Variants in GARNL3 observed in about 807,000 individuals in gnomAD.
GARNL3 encodes GTPase-activating Rap/Ran-GAP domain-like protein 3.
In GARNL3, 63 loss-of-function variants were observed where a neutral mutation model predicts 125.0. That is an observed-to-expected ratio of 0.50 (90% CI 0.41 to 0.62). The LOEUF (loss-of-function observed/expected upper bound fraction) is 0.62. Ranked by LOEUF, GARNL3 falls within the 20% of genes least tolerant of loss-of-function variation. The pLI is 0.00. For synonymous variants in GARNL3, 439 were observed against 457.5 expected, an observed-to-expected ratio of 0.96 and a Z score of 0.52; for missense variants, 994 against 1,244.0, an observed-to-expected ratio of 0.80 and a Z score of 3.02.
intron 1 of GARNL3, among the ~76,000 whole-genome samples, chr9:127,231,051 T>TATATACATATATATATATATATATA (rs756942109): frequency 1.7e-5 from 1 of 58,084 alleles, no homozygotes; most frequent in Non-Finnish European, 2.8e-5. Context: ...TATATATATA[T>TATATACATATATATATATATATATA]TTTTTTTTTT....
intron 4 of GARNL3, among the ~76,000 whole-genome samples, chr9:127,314,978 A>G (rs562663484): frequency 6.6e-6 from 1 of 152,320 alleles, no homozygotes; most frequent in Admixed American, 6.5e-5. Context: ...ATGTGAGACA[A>G]ACAAGGGTTA....
intron 6 of GARNL3, 150 bp downstream of exon 6, chr9:127,320,928 A>G (rs2065379522): frequency 3.3e-6 from 2 of 613,572 alleles, no homozygotes; most frequent in Admixed American, 5.5e-5. Flanking sequence ...CCTCACACCT[A>G]AGGTTCTGAT....
chr9:127,276,880 T>C (rs2063970864), intron 1 of GARNL3, among the ~76,000 whole-genome samples: 1 of 152,246 alleles, frequency 6.6e-6, no homozygotes, highest in African/African-American at 2.4e-5. Flanking sequence ...TAAACTACTT[T>C]TCACAATGAC....
intron 2 of GARNL3, among the ~76,000 whole-genome samples, chr9:127,251,077 C>T (rs1266987266): frequency 2.0e-5 from 3 of 152,140 alleles, no homozygotes; most frequent in Non-Finnish European, 4.4e-5. Context: ...AAGTACAGTA[C>T]AGCACACCAT....
chr9:127,294,727 C>T (rs915904051), intron 2 of GARNL3, among the ~76,000 whole-genome samples: 1 of 152,208 alleles, frequency 6.6e-6, no homozygotes, highest in Non-Finnish European at 1.5e-5. Context: ...GAGTGCTTTT[C>T]ATATAATGTG....
At position 127,268,384 on chromosome 9, in the gene GARNL3, G is replaced by A. The variant is rs114145599; in HGVS notation, c.144+3363G>A. Among the ~76,000 whole-genome samples the A allele has an allele frequency of 3.9e-3, 601 of 152,320 alleles. 6 individuals carry two copies. The highest frequency in any genetic ancestry group is 0.014 in the African/African-American group (577 of 41,574). The stretch of plus-strand genomic sequence containing the variant: ...GCCTCATGTGATGGAAAACCAGCAA[G>A]CCACTATTTTCTCTTTCTCTCTGGT... On this transcript the variant is annotated intron_variant, in intron 1 of 27. Transcript: ENST00000373387.
At chr9:127,290,178 C>T (rs2064371861) in intron 1 of GARNL3, among the ~76,000 whole-genome samples, 1 of 152,194 alleles carries the variant, frequency 6.6e-6, no homozygotes. Flanking sequence ...GAATGCATGG[C>T]ATTCAACAAA....
chr9:127,390,688 A>G lies in GARNL3; in HGVS notation c.2791A>G (p.Lys931Glu). 1 of 1,614,036 alleles carries G rather than the reference A, an allele frequency of 6.2e-7. No homozygotes were observed. The highest frequency in any genetic ancestry group is 8.5e-7 in the Non-Finnish European group (1 of 1,179,926). Reference sequence around the variant, plus strand: ...CAAGTCAGAAGGAGCGCCAAAGGCCAAATCAAAACCCCGGAAGCGGTTAGA... The same window carrying G: ...CAAGTCAGAAGGAGCGCCAAAGGCCGAATCAAAACCCCGGAAGCGGTTAGA... ...GPKSEGAPKA[K>E]SKPRKRLEES... The change falls in exon 27 of 28, where the codon AAA (lysine) becomes GAA (glutamate). Residue 931 changes from lysine to glutamate, a missense_variant. Transcript: ENST00000373387.
At chr9:127,251,249 T>C (rs2063396700) in intron 2 of GARNL3, among the ~76,000 whole-genome samples, 1 of 152,244 alleles carries the variant, frequency 6.6e-6, no homozygotes, top group Admixed American at 6.5e-5. Context: ...GGTTGTTTTC[T>C]TGTCGTCTCC....
At chr9:127,246,369 G>C (rs2063303865) in intron 2 of GARNL3, among the ~76,000 whole-genome samples, 1 of 152,170 alleles carries the variant, frequency 6.6e-6, no homozygotes, top group African/African-American at 2.4e-5. Flanking sequence ...AGTGGATCTG[G>C]TAAGCGTATG....
chr9:127,249,319 C>T (rs2063359576), intron 2 of GARNL3, among the ~76,000 whole-genome samples: 1 of 152,196 alleles, frequency 6.6e-6, no homozygotes, highest in Non-Finnish European at 1.5e-5. Flanking sequence ...TGCAGTGGCT[C>T]ACACCTGTAA....
intron 21 of GARNL3, among the ~76,000 whole-genome samples, chr9:127,359,861 A>T (rs745378830): frequency 6.6e-6 from 1 of 152,046 alleles, no homozygotes; most frequent in East Asian, 1.9e-4. Context: ...ATTTGTAAAG[A>T]CCCTGGATAA....
At chr9:127,374,260 C>T (rs1009885574) in intron 22 of GARNL3, among the ~76,000 whole-genome samples, 13 of 151,682 alleles carry the variant, frequency 8.6e-5, no homozygotes, top group Non-Finnish European at 1.8e-4. Context: ...GAGATTGCGC[C>T]ATTGCGCTCC....
chr9:127,373,271 G>C (rs947261871), intron 22 of GARNL3, among the ~76,000 whole-genome samples: 1 of 152,314 alleles, frequency 6.6e-6, no homozygotes, highest in South Asian at 2.1e-4. Context: ...TTGCTGTAGC[G>C]TACAGGCATC....
chr9:127,316,886 A>G (rs1485211531), intron 4 of GARNL3, among the ~76,000 whole-genome samples: 1 of 152,254 alleles, frequency 6.6e-6, no homozygotes, highest in Admixed American at 6.5e-5. Context: ...ATGAATTGGC[A>G]GATGTGTCCC....
At chr9:127,313,376 T>C in intron 3 of GARNL3, 65 bp from the exon 4 acceptor site, 1 of 1,120,818 alleles carries the variant, frequency 8.9e-7, no homozygotes, top group Admixed American at 1.7e-5. Flanking sequence ...ACCTGCAGTG[T>C]CCTCTACCAT....
intron 22 of GARNL3, among the ~76,000 whole-genome samples, chr9:127,377,704 T>A (rs1368574519): frequency 6.6e-6 from 1 of 151,322 alleles, no homozygotes; most frequent in Non-Finnish European, 1.5e-5. Flanking sequence ...GGGGAATCGC[T>A]TGAACTCAGT....
chr9:127,369,996 G>A (rs1203554331), intron 22 of GARNL3, among the ~76,000 whole-genome samples: 1 of 152,218 alleles, frequency 6.6e-6, no homozygotes, highest in Non-Finnish European at 1.5e-5. Flanking sequence ...AGCCGTGGCA[G>A]TGGTGCCCAA....
In GARNL3 at chr9:127,328,077, C is replaced by T. The variant is rs1238450825; in HGVS notation, c.594+2982C>T. Among the ~76,000 whole-genome samples, 4 of 152,178 alleles carry T rather than the reference C, an allele frequency of 2.6e-5. 1 individual carries two copies. Among genetic ancestry groups the T allele is most frequent in the East Asian group, 3.8e-4 (2 of 5,200 alleles). The stretch of plus-strand genomic sequence containing the variant: ...GAAATGTGAACACTTACTTCCCCTG[C>T]CCCGACTTCACCACTTTTTCAGGGG... On this transcript the variant is annotated intron_variant, in intron 7 of 27. Coordinates refer to ENST00000373387, the MANE Select transcript of GARNL3 (RefSeq NM_032293.5).
Sources: gnomAD v4.1 joint callset for allele counts (sites outside exome capture counted in the v4.1 genomes callset) on GRCh38, gnomAD v4.1.1 for gene constraint, MANE v1.5 for transcripts, NCBI Gene and HGNC (gene_info 2026-07-23, HGNC 2026-07-21) for gene names.